POP1: variants seen among roughly 807,000 people sequenced by gnomAD.
The protein encoded by POP1 is ribonucleases P/MRP protein subunit POP1.
Under a neutral mutation model 102.2 loss-of-function variants are expected in POP1, and 75 were observed. The ratio of observed to expected loss-of-function variants is 0.73; its 90% CI spans 0.61 to 0.89. The LOEUF is 0.89. Ranked by LOEUF, POP1 falls within the 40% of genes least tolerant of loss-of-function variation. The pLI, the probability that POP1 is intolerant of heterozygous loss-of-function variation, is 0.00. For missense variants in POP1, 1,116 were observed against 1,267.4 expected (o/e 0.88, Z 1.81); for synonymous variants, 436 against 464.1 (o/e 0.94, Z 0.78).
chr8:98,138,847 CTTTTTTTTT>C (rs369408285), intron 9 of POP1, among the ~76,000 whole-genome samples: 1 of 130,856 alleles, frequency 7.6e-6, no homozygotes, highest in African/African-American at 2.9e-5. Flanking sequence ...GTTATGATTG[CTTTTTTTTT>C]TTTTTTTTTT....
intron 1 of POP1, among the ~76,000 whole-genome samples, 155 bp downstream of exon 1, chr8:98,117,545 C>T (rs1815877896): frequency 6.6e-6 from 1 of 152,224 alleles, no homozygotes; most frequent in Non-Finnish European, 1.5e-5. Flanking sequence ...GCCCCTCTCC[C>T]TGGTGTCGCA....
chr8:98,121,491 A>G (rs1327161626), intron 1 of POP1, among the ~76,000 whole-genome samples: 2 of 150,228 alleles, frequency 1.3e-5, no homozygotes, highest in East Asian at 1.9e-4. Context: ...CCTAATTTAT[A>G]TAAAATTATT....
At position 98,129,996 on chromosome 8, in the gene POP1, C is replaced by G. The variant is rs748243723; in HGVS notation, c.505C>G (p.Gln169Glu). The change falls in exon 5 of 16, where the codon CAG becomes GAG. Residue 169 changes from glutamine (Q) to glutamate (E), a missense_variant. Transcript: ENST00000401707. ...AQKEAEKAVH[Q>E]KKEHSKNKCH... ...ACTATAGGCGGAGAAAGCCGTACATCAGAAAAAAGAACATTCAAAAAATAA... is the reference window on the plus strand; with the variant it reads ...ACTATAGGCGGAGAAAGCCGTACATGAGAAAAAAGAACATTCAAAAAATAA... 4.1e-5 allele frequency: 66 copies of G among 1,613,818 alleles called. 1 individual carries two copies. In the South Asian group the frequency reaches 6.9e-4, roughly 17 times the overall value.
In POP1 at chr8:98,158,395, A is replaced by C; in HGVS notation, c.*124A>C. 1 of 1,070,016 alleles carries C rather than the reference A, an allele frequency of 9.3e-7. No individual in the cohort carries two copies. 66.3% of individuals were successfully genotyped at this position (1,070,016 alleles called of 1,614,324 possible). A position where few individuals can be genotyped will look rare whatever the true frequency, so the allele number is the denominator to read the frequency against. The stretch of plus-strand genomic sequence containing the variant: ...AAACTCCCTGGAAACAAGAATAAAA[A>C]ATTATGTATTATGCAGATGATGAAA... On this transcript the variant is annotated 3_prime_UTR_variant, in exon 16 of 16. Coordinates refer to ENST00000401707, the MANE Select transcript of POP1 (RefSeq NM_001145860.2).
At chr8:98,138,207 C>T (rs1368125318) in intron 9 of POP1, among the ~76,000 whole-genome samples, 1 of 152,150 alleles carries the variant, frequency 6.6e-6, no homozygotes, top group African/African-American at 2.4e-5. Flanking sequence ...TTGTTGCTTC[C>T]TGATGAAAAG....
intron 2 of POP1, among the ~76,000 whole-genome samples, chr8:98,126,446 G>A (rs1364353494): frequency 6.6e-6 from 1 of 152,150 alleles, no homozygotes; most frequent in Non-Finnish European, 1.5e-5. Context: ...AGTTTATTCA[G>A]CATTCCCATG....
chr8:98,146,179 C>T (rs538421006), intron 11 of POP1, among the ~76,000 whole-genome samples: 1 of 152,170 alleles, frequency 6.6e-6, no homozygotes, highest in Non-Finnish European at 1.5e-5. Flanking sequence ...CACCCTCCCC[C>T]CTTAGCCTCC....
In POP1 at chr8:98,123,605, C is replaced by T. The variant is rs183834009; in HGVS notation, c.142+126C>T. 4,251 of 763,140 alleles carry T rather than the reference C, an allele frequency of 5.6e-3. 29 individuals are homozygous for T. The highest frequency in any genetic ancestry group is 6.0e-3 in the Non-Finnish European group (2,877 of 478,806). The allele number at this position is 763,140 out of a possible 1,614,324, so 47.3% of individuals were successfully genotyped here. On this transcript the variant is annotated intron_variant, in intron 2 of 15. Coordinates refer to ENST00000401707, the MANE Select transcript of POP1 (RefSeq NM_001145860.2). ...CATCCTGGCCAACATGGTGAAACCCCGTCTCTACTAAAAATACAAGAATTA... is the reference window on the plus strand; with the variant it reads ...CATCCTGGCCAACATGGTGAAACCCTGTCTCTACTAAAAATACAAGAATTA...
chr8:98,137,024 A>G, intron 9 of POP1, 70 bp downstream of exon 9: 1 of 1,372,596 alleles, frequency 7.3e-7, no homozygotes, highest in Admixed American at 1.7e-5. Context: ...GAAACCTAAT[A>G]TATAATTTGG....
At chr8:98,142,679 A>G (rs183421115) in intron 11 of POP1, among the ~76,000 whole-genome samples, 12 of 152,284 alleles carry the variant, frequency 7.9e-5, no homozygotes, top group Admixed American at 7.2e-4. Flanking sequence ...GAAATACTGA[A>G]TTTACCTTGT....
At chr8:98,151,753 T>G (rs932171275) in intron 14 of POP1, among the ~76,000 whole-genome samples, 1 of 150,024 alleles carries the variant, frequency 6.7e-6, no homozygotes, top group Non-Finnish European at 1.5e-5. Flanking sequence ...TTTTTTTTTT[T>G]TTTTTTTGAG....
chr8:98,128,645 A>G, intron 4 of POP1, 105 bp downstream of exon 4: 1 of 1,300,392 alleles, frequency 7.7e-7, no homozygotes, highest in Non-Finnish European at 1.1e-6. Flanking sequence ...AAGGCTGGGC[A>G]TGGTGGCTCA....
At position 98,156,309 on chromosome 8, in the gene POP1, A is replaced by G. The variant is rs1300453051; in HGVS notation, c.2317A>G (p.Met773Val). The change falls in exon 15 of 16, where the codon ATG (methionine) becomes GTG (valine). Residue 773 changes from methionine (M) to valine (V), a missense_variant. Transcript: ENST00000401707. Reference protein sequence around the residue: ...IEHPREAEEVMDAGCQESAGP... With the variant: ...IEHPREAEEVVDAGCQESAGP... ...GCACCCCAGGGAGGCAGAGGAGGTA[A>G]TGGATGCAGGGTGTCAAGAATCGGC... 2 of 1,614,192 alleles carry G rather than the reference A, an allele frequency of 1.2e-6. No homozygotes were observed. Among genetic ancestry groups the G allele is most frequent in the Non-Finnish European group, 8.5e-7 (1 of 1,180,042 alleles).
intron 14 of POP1, among the ~76,000 whole-genome samples, chr8:98,153,530 A>AG (rs1809570645): frequency 1.7e-5 from 1 of 59,748 alleles, no homozygotes; most frequent in Non-Finnish European, 2.9e-5. Context: ...AACAGTTCTG[A>AG]CTCTTTTTTT....
intron 1 of POP1, among the ~76,000 whole-genome samples, chr8:98,119,779 T>G (rs1815958852): frequency 6.6e-6 from 1 of 152,226 alleles, no homozygotes; most frequent in African/African-American, 2.4e-5. Context: ...GTTCTCACTA[T>G]GTTGCTCAGG....
chr8:98,142,137 A>G (rs1258340731), intron 11 of POP1, among the ~76,000 whole-genome samples: 1 of 152,200 alleles, frequency 6.6e-6, no homozygotes, highest in Non-Finnish European at 1.5e-5. Context: ...CCTTGAAGCT[A>G]TAAACTCTAC....
chr8:98,128,155 C>T (rs547625921), intron 3 of POP1, among the ~76,000 whole-genome samples: 43 of 152,298 alleles, frequency 2.8e-4, no homozygotes, highest in African/African-American at 1.0e-3. Flanking sequence ...TTTCCATCCT[C>T]TTCTGTTCTT....
intron 11 of POP1, among the ~76,000 whole-genome samples, chr8:98,143,240 G>A (rs1443777445): frequency 6.6e-6 from 1 of 152,342 alleles, no homozygotes; most frequent in Non-Finnish European, 1.5e-5. Context: ...TAGGCCCACT[G>A]ATGTGTGTGC....
chr8:98,127,663 G>T lies in POP1; in HGVS notation c.211G>T (p.Val71Leu). 1 of 1,614,196 alleles carries T rather than the reference G, an allele frequency of 6.2e-7. No homozygotes were observed. The highest frequency in any genetic ancestry group is 8.5e-7 in the Non-Finnish European group (1 of 1,180,042). ...CCCCCATTCTCTGCCTGACCCTGAA[G>T]TGAATGAGCAGTCTTCCTCCAAAGG... ...VNPHSLPDPE[V>L]NEQSSSKGMF... Residue 71 changes from valine to leucine, a missense_variant, in exon 3 of 16, where the codon GTG becomes TTG. By Grantham distance (32) the Val-to-Leu change is conservative. Transcript: ENST00000401707.
Sources: allele counts gnomAD v4.1 joint callset (sites outside exome capture counted in the v4.1 genomes callset), GRCh38; gene constraint gnomAD v4.1.1; transcripts MANE v1.5; gene names NCBI Gene and HGNC (gene_info 2026-07-23, HGNC 2026-07-21).